CDK17: variants seen among roughly 807,000 people sequenced by gnomAD.
CDK17 encodes cyclin dependent kinase 17, also known as cyclin-dependent kinase 17.
A neutral mutation model predicts 77.6 loss-of-function variants in CDK17; 24 were observed. The ratio of observed to expected loss-of-function variants is 0.31; its 90% CI spans 0.22 to 0.44. The LOEUF (loss-of-function observed/expected upper bound fraction) is 0.44. Among genes scored for constraint, CDK17 ranks in the 20% least tolerant of loss-of-function variants. The pLI is 1.00. For missense variants in CDK17, 429 were observed against 622.5 expected, an observed-to-expected ratio of 0.69 and a Z score of 3.31; for synonymous variants, 203 against 210.4, an observed-to-expected ratio of 0.96 and a Z score of 0.30.
chr12:96,343,443 T>C (rs1953153549), intron 1 of CDK17, among the ~76,000 whole-genome samples: 1 of 152,220 alleles, frequency 6.6e-6, no homozygotes, highest in African/African-American at 2.4e-5. Context: ...TTTGAATATT[T>C]TGGTCAGTTT....
At chr12:96,283,813 C>T (rs781754678) in intron 13 of CDK17, among the ~76,000 whole-genome samples, 168 bp from the exon 14 acceptor site, 1 of 152,126 alleles carries the variant, frequency 6.6e-6, no homozygotes, top group Non-Finnish European at 1.5e-5. Context: ...AAAAGACTGG[C>T]CTTGCTATTT....
intron 15 of CDK17, 25 bp from the exon 16 acceptor site, chr12:96,280,910 T>C (rs1952170920): frequency 6.3e-7 from 1 of 1,578,590 alleles, no homozygotes; most frequent in East Asian, 2.2e-5. Context: ...CAAAAATTAT[T>C]AGGTGAAGGT....
chr12:96,289,919 T>G (rs559037474), intron 10 of CDK17, among the ~76,000 whole-genome samples: 1 of 152,170 alleles, frequency 6.6e-6, no homozygotes, highest in East Asian at 1.9e-4. Context: ...TATTAATTGC[T>G]GTTTACGTCA....
At chr12:96,285,978 T>C (rs943718794) in intron 13 of CDK17, 65 bp downstream of exon 13, 7 of 791,672 alleles carry the variant, frequency 8.8e-6, no homozygotes, top group Non-Finnish European at 1.3e-5. Flanking sequence ...TTACTGTGGC[T>C]AATCCTTCAA....
intron 4 of CDK17, among the ~76,000 whole-genome samples, chr12:96,312,664 A>C (rs767993556): frequency 9.2e-5 from 14 of 152,156 alleles, no homozygotes; most frequent in African/African-American, 3.4e-4. Flanking sequence ...AAACATGTTC[A>C]ATTTTTTTTT....
chr12:96,336,965 A>G (rs1446595389), intron 1 of CDK17, among the ~76,000 whole-genome samples: 2 of 152,208 alleles, frequency 1.3e-5, no homozygotes, highest in Non-Finnish European at 2.9e-5. Context: ...TTGTATGCTT[A>G]GTAATTTTTT....
intron 1 of CDK17, among the ~76,000 whole-genome samples, chr12:96,345,278 G>A (rs538879830): frequency 1.3e-5 from 2 of 152,300 alleles, no homozygotes; most frequent in South Asian, 4.1e-4. Flanking sequence ...GAATAGTGCT[G>A]CAATGAACAT....
At chr12:96,323,282 A>C (rs1312006949) in intron 3 of CDK17, among the ~76,000 whole-genome samples, 5 of 97,948 alleles carry the variant, frequency 5.1e-5, no homozygotes, top group Non-Finnish European at 1.0e-4. Context: ...AAAAAAAAAA[A>C]AACAAAAACA....
At chr12:96,365,532 C>T (rs1410442603) in intron 1 of CDK17, among the ~76,000 whole-genome samples, 2 of 152,018 alleles carry the variant, frequency 1.3e-5, no homozygotes, top group Non-Finnish European at 2.9e-5. Flanking sequence ...AAATGCCTTT[C>T]CTTTCAATTT....
chr12:96,385,442 C>T (rs993529308), intron 1 of CDK17, among the ~76,000 whole-genome samples: 5 of 152,148 alleles, frequency 3.3e-5, no homozygotes, highest in Middle Eastern at 3.2e-3. Flanking sequence ...CTCATCCATA[C>T]CCCAGACCTC....
At chr12:96,370,288 C>T (rs929221073) in intron 1 of CDK17, among the ~76,000 whole-genome samples, 9 of 152,174 alleles carry the variant, frequency 5.9e-5, no homozygotes, top group East Asian at 1.9e-4. Flanking sequence ...TATTACTCTA[C>T]CCATTTTACA....
intron 5 of CDK17, among the ~76,000 whole-genome samples, chr12:96,304,428 T>G (rs1192839951): frequency 6.6e-6 from 1 of 152,038 alleles, no homozygotes; most frequent in African/African-American, 2.4e-5. Flanking sequence ...TCCCAGCTAC[T>G]CGGGAGGCTG....
At chr12:96,363,828 G>A (rs150974960) in intron 1 of CDK17, among the ~76,000 whole-genome samples, 3,686 of 152,266 alleles carry the variant, frequency 0.024, 71 homozygotes, top group Non-Finnish European at 0.037. Context: ...CAGCATGGGC[G>A]ACAGAACGAG....
At chr12:96,328,325 C>T (rs904489298) in intron 2 of CDK17, among the ~76,000 whole-genome samples, 3 of 151,664 alleles carry the variant, frequency 2.0e-5, no homozygotes, top group Non-Finnish European at 2.9e-5. Context: ...TTATATATTA[C>T]AATATAATAA....
chr12:96,342,024 G>A (rs1453204016), intron 1 of CDK17, among the ~76,000 whole-genome samples: 3 of 152,068 alleles, frequency 2.0e-5, no homozygotes, highest in Non-Finnish European at 4.4e-5. Flanking sequence ...AGGTAAATAA[G>A]CAAAACATAC....
At chr12:96,342,528 C>T (rs2137156832) in intron 1 of CDK17, among the ~76,000 whole-genome samples, 1 of 152,180 alleles carries the variant, frequency 6.6e-6, no homozygotes, top group South Asian at 2.1e-4. Context: ...TGCCACTGCA[C>T]TCCAGCCCAG....
intron 1 of CDK17, among the ~76,000 whole-genome samples, chr12:96,353,532 A>C (rs1184894289): frequency 6.6e-6 from 1 of 151,624 alleles, no homozygotes. Flanking sequence ...TTATTTTGAA[A>C]TAAGGAGCCA....
chr12:96,289,640 A>T (rs762148231), intron 10 of CDK17, among the ~76,000 whole-genome samples: 9 of 152,242 alleles, frequency 5.9e-5, no homozygotes, highest in Non-Finnish European at 1.2e-4. Flanking sequence ...AATCCATAAT[A>T]GGCCAATGAC....
intron 3 of CDK17, among the ~76,000 whole-genome samples, chr12:96,316,612 A>T (rs1952724062): frequency 7.3e-6 from 1 of 137,114 alleles, no homozygotes; most frequent in Admixed American, 7.8e-5. Flanking sequence ...GAGATCTGAG[A>T]ACGGGCAGAC....
Sources: gnomAD v4.1 joint callset for allele counts (sites outside exome capture counted in the v4.1 genomes callset) on GRCh38, gnomAD v4.1.1 for gene constraint, MANE v1.5 for transcripts, NCBI Gene and HGNC (gene_info 2026-07-23, HGNC 2026-07-21) for gene names.